Variants in CNTN5 observed in about 807,000 individuals in gnomAD.
CNTN5 encodes the protein contactin 5.
A neutral mutation model predicts 129.1 loss-of-function variants in CNTN5; 77 were observed. The ratio of observed to expected loss-of-function variants is 0.60; its 90% confidence interval spans 0.50 to 0.72. The LOEUF (loss-of-function observed/expected upper bound fraction) is 0.72, where lower values mean the gene tolerates loss of function less well. Among genes scored for constraint, CNTN5 ranks in the 30% least tolerant of loss-of-function variants. CNTN5 has a pLI of 0.00. For missense variants in CNTN5, 1,478 were observed against 1,328.8 expected (o/e 1.11, Z -1.75); for synonymous variants, 509 against 465.6 (o/e 1.09, Z -1.20).
chr11:99,944,949 G>A (rs893010901), intron 7 of CNTN5, among the ~76,000 whole-genome samples: 4 of 152,086 alleles, frequency 2.6e-5, no homozygotes, highest in African/African-American at 9.7e-5. Flanking sequence ...GTGTGCAACT[G>A]GGCAGAGGAA....
intron 9 of CNTN5, among the ~76,000 whole-genome samples, chr11:100,010,937 A>G (rs1264995756): frequency 6.6e-6 from 1 of 152,094 alleles, no homozygotes; most frequent in Non-Finnish European, 1.5e-5. Flanking sequence ...GTGACCACCT[A>G]CATTTCACTA....
At chr11:100,266,846 C>T (rs1454151508) in intron 17 of CNTN5, among the ~76,000 whole-genome samples, 1 of 152,040 alleles carries the variant, frequency 6.6e-6, no homozygotes, top group African/African-American at 2.4e-5. Context: ...ATTCTGATCA[C>T]ACTAGGCAAT....
intron 1 of CNTN5, among the ~76,000 whole-genome samples, chr11:99,248,126 GT>G (rs1565435856): frequency 6.6e-6 from 1 of 152,128 alleles, no homozygotes; most frequent in Non-Finnish European, 1.5e-5. Context: ...AGCACCTGTT[GT>G]TTCCTGACGT....
In CNTN5 at chr11:100,255,784, T is replaced by G. The variant is rs201601472; in HGVS notation, c.2030T>G (p.Val677Gly). 34 of 1,613,762 alleles carry G rather than the reference T, an allele frequency of 2.1e-5. No individual in the cohort carries two copies. The highest frequency in any genetic ancestry group is 2.7e-5 in the Non-Finnish European group (32 of 1,179,814). ...GGACCCCCAGGCCCACCTGGGATAGTAATTGTTGAGGAAATAACCGAAAGT... is the reference window on the plus strand; with the variant it reads ...GGACCCCCAGGCCCACCTGGGATAGGAATTGTTGAGGAAATAACCGAAAGT... ...VRGPPGPPGIVIVEEITESTA... is the reference protein window; with the variant it reads ...VRGPPGPPGIGIVEEITESTA... Residue 677 changes from valine (V) to glycine (G), a missense_variant, in exon 17 of 25, where the codon GTA becomes GGA. Physicochemically the swap from Val to Gly is moderately radical, Grantham distance 109. Transcript: ENST00000524871.
chr11:99,190,851 C>T (rs1016149696), intron 1 of CNTN5, among the ~76,000 whole-genome samples: 2 of 151,554 alleles, frequency 1.3e-5, no homozygotes, highest in East Asian at 3.9e-4. Flanking sequence ...TCTTGCCTAA[C>T]TCCTCAAGCT....
intron 3 of CNTN5, among the ~76,000 whole-genome samples, chr11:99,693,734 G>C (rs973654148): frequency 1.3e-5 from 2 of 152,108 alleles, no homozygotes; most frequent in African/African-American, 4.8e-5. Flanking sequence ...AGACGAGATT[G>C]TTTCTTTGAT....
intron 6 of CNTN5, among the ~76,000 whole-genome samples, chr11:99,890,330 T>C (rs908419714): frequency 2.0e-5 from 3 of 152,222 alleles, no homozygotes; most frequent in African/African-American, 7.2e-5. Context: ...CTATGAATCA[T>C]ACTGAAGTAT....
intron 1 of CNTN5, among the ~76,000 whole-genome samples, chr11:99,232,636 C>T (rs570397166): frequency 1.1e-4 from 17 of 152,214 alleles, no homozygotes; most frequent in African/African-American, 4.1e-4. Flanking sequence ...TATTCGAATG[C>T]CCTTTATTTC....
intron 7 of CNTN5, among the ~76,000 whole-genome samples, chr11:99,920,449 A>G (rs1050496954): frequency 1.3e-5 from 2 of 152,106 alleles, no homozygotes; most frequent in African/African-American, 2.4e-5. Context: ...TGTATATCCA[A>G]CTGCCTATCA....
At chr11:100,165,199 A>G (rs1367597860) in intron 13 of CNTN5, among the ~76,000 whole-genome samples, 1 of 151,788 alleles carries the variant, frequency 6.6e-6, no homozygotes, top group Non-Finnish European at 1.5e-5. Flanking sequence ...ATCTACTACA[A>G]ATGAATAATT....
intron 3 of CNTN5, among the ~76,000 whole-genome samples, chr11:99,767,003 A>G (rs1591128131): frequency 6.6e-6 from 1 of 151,984 alleles, no homozygotes. Flanking sequence ...GTGGCTTGCT[A>G]TCCTCTGAAT....
chr11:100,127,558 A>G (rs1035687070), intron 13 of CNTN5, among the ~76,000 whole-genome samples: 2 of 151,074 alleles, frequency 1.3e-5, no homozygotes, highest in South Asian at 2.1e-4. Context: ...TTATTTTTCT[A>G]TGTTTTACCT....
At chr11:99,662,392 A>G (rs1952626528) in intron 3 of CNTN5, among the ~76,000 whole-genome samples, 1 of 152,228 alleles carries the variant, frequency 6.6e-6, no homozygotes, top group Non-Finnish European at 1.5e-5. Flanking sequence ...AAGATTTAAG[A>G]AATGTAAAAC....
At chr11:99,270,788 G>C (rs1863134501) in intron 1 of CNTN5, among the ~76,000 whole-genome samples, 1 of 151,944 alleles carries the variant, frequency 6.6e-6, no homozygotes, top group Non-Finnish European at 1.5e-5. Context: ...TTTGAAACAT[G>C]GTGCCAATAC....
intron 11 of CNTN5, among the ~76,000 whole-genome samples, 163 bp from the exon 12 acceptor site, chr11:100,071,542 G>A (rs972313663): frequency 3.3e-5 from 5 of 152,156 alleles, no homozygotes; most frequent in African/African-American, 1.2e-4. Flanking sequence ...CAAGTGGCAT[G>A]TTATAATAAA....
At chr11:99,163,148 G>T (rs1860699822) in intron 1 of CNTN5, among the ~76,000 whole-genome samples, 1 of 152,032 alleles carries the variant, frequency 6.6e-6, no homozygotes, top group Admixed American at 6.6e-5. Context: ...TGGGTAATTG[G>T]AAATTCATAA....
chr11:100,102,995 C>G (rs1439659632), intron 13 of CNTN5, among the ~76,000 whole-genome samples: 1 of 152,090 alleles, frequency 6.6e-6, no homozygotes, highest in Non-Finnish European at 1.5e-5. Flanking sequence ...CTTATTTCAC[C>G]TTTCTAGATG....
intron 3 of CNTN5, among the ~76,000 whole-genome samples, chr11:99,569,734 C>T (rs1032707759): frequency 2.0e-5 from 3 of 152,220 alleles, no homozygotes; most frequent in Admixed American, 6.5e-5. Flanking sequence ...GAAATATTTA[C>T]TTTAATTTTT....
At chr11:99,054,980 T>C (rs188812018) in intron 1 of CNTN5, among the ~76,000 whole-genome samples, 134 of 152,118 alleles carry the variant, frequency 8.8e-4, no homozygotes, top group Middle Eastern at 6.8e-3. Flanking sequence ...AATTCTAATG[T>C]AGACCAGTAA....
Sources: allele counts gnomAD v4.1 joint callset (sites outside exome capture counted in the v4.1 genomes callset), GRCh38; gene constraint gnomAD v4.1.1; transcripts MANE v1.5; gene names NCBI Gene and HGNC (gene_info 2026-07-23, HGNC 2026-07-21).